SMYD3: variants seen among roughly 807,000 people sequenced by gnomAD.
The protein encoded by SMYD3 is histone-lysine N-methyltransferase SMYD3.
Under a neutral mutation model 57.7 loss-of-function variants are expected in SMYD3, and 36 were observed. The ratio of observed to expected loss-of-function variants is 0.62; its 90% CI spans 0.48 to 0.82. SMYD3 has a LOEUF of 0.82. SMYD3 is among the 40% of genes least tolerant of loss of function. The pLI is 0.00. For missense variants in SMYD3, 515 were observed against 538.8 expected (o/e 0.96, Z 0.44); for synonymous variants, 211 against 195.0 (o/e 1.08, Z -0.68).
At position 246,320,207 on chromosome 1, in the gene SMYD3, AAT is replaced by A. The variant is rs546472957; in HGVS notation, c.531+6992_531+6993del. On this transcript the variant is annotated intron_variant, in intron 5 of 11. Coordinates refer to ENST00000490107, the MANE Select transcript of SMYD3 (RefSeq NM_001167740.2). Reference sequence around the variant, plus strand: ...ACTCAGAATGAAACTGTAAAATTTAAATATCATAGTACCAAAAACACCCTCTA... The same window carrying A: ...ACTCAGAATGAAACTGTAAAATTTAAATCATAGTACCAAAAACACCCTCTA... Among the ~76,000 whole-genome samples the A allele has an allele frequency of 2.6e-3, 390 of 152,312 alleles. 3 individuals are homozygous for A. The highest frequency in any genetic ancestry group is 4.3e-3 in the Admixed American group (66 of 15,298).
At chr1:245,862,670 T>C (rs1051226300) in intron 9 of SMYD3, among the ~76,000 whole-genome samples, 6 of 152,228 alleles carry the variant, frequency 3.9e-5, no homozygotes, top group Non-Finnish European at 7.3e-5. Flanking sequence ...TGACACTGAA[T>C]CATGTAACAT....
chr1:245,995,086 C>T (rs560056563), intron 5 of SMYD3, among the ~76,000 whole-genome samples: 32 of 151,692 alleles, frequency 2.1e-4, no homozygotes, highest in Admixed American at 9.2e-4. Flanking sequence ...AGCAAGACTC[C>T]GTCTCAAAAA....
At chr1:245,806,523 T>C (rs2048150180) in intron 10 of SMYD3, among the ~76,000 whole-genome samples, 1 of 152,160 alleles carries the variant, frequency 6.6e-6, no homozygotes, top group African/African-American at 2.4e-5. Context: ...AACCCTTCCT[T>C]GCTATGCTAT....
intron 5 of SMYD3, among the ~76,000 whole-genome samples, chr1:246,009,145 G>C (rs1572884909): frequency 6.6e-6 from 1 of 152,162 alleles, no homozygotes. Context: ...GGTGTGTATC[G>C]TTGGGCCATA....
intron 7 of SMYD3, among the ~76,000 whole-genome samples, chr1:245,925,625 G>A (rs944010514): frequency 6.6e-6 from 1 of 152,118 alleles, no homozygotes; most frequent in African/African-American, 2.4e-5. Context: ...TGGCAATAGT[G>A]TCCCCACAAG....
chr1:245,758,679 C>T (rs1229217164), intron 11 of SMYD3, among the ~76,000 whole-genome samples: 3 of 152,022 alleles, frequency 2.0e-5, no homozygotes, highest in Non-Finnish European at 2.9e-5. Flanking sequence ...ACGGCTTCTA[C>T]TTCTTAACTG....
At chr1:246,193,162 A>G (rs914692484) in intron 5 of SMYD3, among the ~76,000 whole-genome samples, 2 of 152,224 alleles carry the variant, frequency 1.3e-5, no homozygotes, top group African/African-American at 4.8e-5. Flanking sequence ...CTTGTTTACT[A>G]CCAGTTAAGA....
At chr1:246,261,345 C>T (rs2064007925) in intron 5 of SMYD3, among the ~76,000 whole-genome samples, 1 of 150,544 alleles carries the variant, frequency 6.6e-6, no homozygotes, top group South Asian at 2.1e-4. Flanking sequence ...GCATGAGCCA[C>T]CGCACCCAGC....
At chr1:246,145,166 C>T (rs1416786440) in intron 5 of SMYD3, among the ~76,000 whole-genome samples, 2 of 152,152 alleles carry the variant, frequency 1.3e-5, no homozygotes, top group Non-Finnish European at 2.9e-5. Flanking sequence ...ACTGAGACTA[C>T]ACATGCCTGG....
chr1:245,795,160 T>C (rs2047469302), intron 10 of SMYD3, among the ~76,000 whole-genome samples: 1 of 152,212 alleles, frequency 6.6e-6, no homozygotes, highest in South Asian at 2.1e-4. Flanking sequence ...AGCTCAAGGA[T>C]CCTATCCCCA....
intron 5 of SMYD3, among the ~76,000 whole-genome samples, chr1:246,177,731 C>T (rs2062457884): frequency 6.6e-6 from 1 of 152,126 alleles, no homozygotes; most frequent in African/African-American, 2.4e-5. Context: ...AGATGGAAGA[C>T]ATAAGCAAAA....
At chr1:246,181,772 C>T (rs1448780975) in intron 5 of SMYD3, among the ~76,000 whole-genome samples, 1 of 152,184 alleles carries the variant, frequency 6.6e-6, no homozygotes, top group Non-Finnish European at 1.5e-5. Flanking sequence ...TTCTACAACC[C>T]GTGTGCCAAG....
intron 5 of SMYD3, among the ~76,000 whole-genome samples, chr1:246,236,581 A>AT (rs1222312405): frequency 6.6e-6 from 1 of 151,908 alleles, no homozygotes; most frequent in Non-Finnish European, 1.5e-5. Flanking sequence ...CGCCTGGTTA[A>AT]TTTTTTGTAT....
At chr1:246,398,363 T>G (rs934241432) in intron 1 of SMYD3, among the ~76,000 whole-genome samples, 1 of 152,210 alleles carries the variant, frequency 6.6e-6, no homozygotes, top group African/African-American at 2.4e-5. Context: ...CGCCCAGAAA[T>G]GGGCAAGGAC....
intron 5 of SMYD3, among the ~76,000 whole-genome samples, chr1:246,266,759 T>A (rs769392795): frequency 4.6e-5 from 7 of 150,866 alleles, no homozygotes; most frequent in Admixed American, 2.0e-4. Flanking sequence ...ATTGCACCAG[T>A]GCACTCCAGC....
chr1:246,432,624 C>A (rs529822501), intron 1 of SMYD3, among the ~76,000 whole-genome samples: 90 of 152,314 alleles, frequency 5.9e-4, no homozygotes, highest in African/African-American at 2.0e-3. Flanking sequence ...TGGAAGACTT[C>A]TCTGTGTAAC....
At chr1:246,485,451 G>C (rs9645319) in intron 1 of SMYD3, among the ~76,000 whole-genome samples, 151,155 of 152,318 alleles carry the variant, frequency 0.99, 75,017 homozygotes, top group Middle Eastern at 1. Context: ...CTGTTGACAT[G>C]TGAAAAGTTT....
At chr1:245,865,334 T>C (rs1054507444) in intron 8 of SMYD3, among the ~76,000 whole-genome samples, 3 of 152,120 alleles carry the variant, frequency 2.0e-5, no homozygotes, top group Non-Finnish European at 2.9e-5. Context: ...TACTAAAAAA[T>C]AATAATAAAA....
At chr1:246,177,798 T>G (rs1316293703) in intron 5 of SMYD3, among the ~76,000 whole-genome samples, 1 of 152,180 alleles carries the variant, frequency 6.6e-6, no homozygotes, top group Non-Finnish European at 1.5e-5. Flanking sequence ...AAGTTGCTAC[T>G]TCGAAGGATT....
Sources: allele counts gnomAD v4.1 joint callset (sites outside exome capture counted in the v4.1 genomes callset), GRCh38; gene constraint gnomAD v4.1.1; transcripts MANE v1.5; gene names NCBI Gene and HGNC (gene_info 2026-07-23, HGNC 2026-07-21).